Variants in GRM1 observed in about 807,000 individuals in gnomAD.
GRM1 encodes glutamate metabotropic receptor 1.
In GRM1, 33 loss-of-function variants were observed where a neutral mutation model predicts 90.9. The observed-to-expected ratio is 0.36, with a 90% CI of 0.28 to 0.49. The LOEUF is 0.49. GRM1 is among the 20% of genes least tolerant of loss of function. The pLI is 0.99. For synonymous variants in GRM1, 700 were observed against 613.2 expected (o/e 1.14, Z -2.09); for missense variants, 1,190 against 1,534.3 (o/e 0.78, Z 3.75).
At chr6:146,133,949 G>A (rs1252075762) in intron 1 of GRM1, among the ~76,000 whole-genome samples, 1 of 152,118 alleles carries the variant, frequency 6.6e-6, no homozygotes, top group East Asian at 1.9e-4. Flanking sequence ...CATCATTTTC[G>A]ATAACATCAT....
At chr6:146,316,721 C>T (rs994935645) in intron 3 of GRM1, among the ~76,000 whole-genome samples, 4 of 152,126 alleles carry the variant, frequency 2.6e-5, no homozygotes, top group South Asian at 2.1e-4. Context: ...CGTCCTCTGA[C>T]GGAGCATGCT....
intron 2 of GRM1, among the ~76,000 whole-genome samples, chr6:146,172,330 C>T (rs983772314): frequency 1.3e-5 from 2 of 152,172 alleles, no homozygotes; most frequent in African/African-American, 4.8e-5. Flanking sequence ...TGTTAATAAG[C>T]ATTGTATTTA....
At chr6:146,055,598 T>C (rs1001831993) in intron 1 of GRM1, among the ~76,000 whole-genome samples, 7 of 152,100 alleles carry the variant, frequency 4.6e-5, no homozygotes, top group African/African-American at 1.7e-4. Context: ...CTGAGTGGTA[T>C]GTGTTTGTGT....
At chr6:146,221,782 C>T (rs1780072694) in intron 2 of GRM1, among the ~76,000 whole-genome samples, 1 of 152,090 alleles carries the variant, frequency 6.6e-6, no homozygotes, top group Non-Finnish European at 1.5e-5. Flanking sequence ...TCTGTCACAA[C>T]TACTAAACTC....
At chr6:146,220,007 G>T (rs952128915) in intron 2 of GRM1, among the ~76,000 whole-genome samples, 2 of 151,982 alleles carry the variant, frequency 1.3e-5, no homozygotes, top group Non-Finnish European at 2.9e-5. Context: ...AGGTAGAAAA[G>T]AACAGATGAC....
chr6:146,050,206 A>G (rs751467234), intron 1 of GRM1, among the ~76,000 whole-genome samples: 1 of 152,024 alleles, frequency 6.6e-6, no homozygotes, highest in South Asian at 2.1e-4. Context: ...TGTCAACCAG[A>G]AGGACATAGC....
chr6:146,343,764 G>A (rs1005003553), intron 3 of GRM1, among the ~76,000 whole-genome samples: 10 of 151,654 alleles, frequency 6.6e-5, no homozygotes, highest in Middle Eastern at 3.4e-3. Flanking sequence ...CCTGCCTCCC[G>A]GATTCAAGCG....
chr6:146,214,757 G>T (rs1192424740), intron 2 of GRM1, among the ~76,000 whole-genome samples: 1 of 152,150 alleles, frequency 6.6e-6, no homozygotes, highest in Non-Finnish European at 1.5e-5. Context: ...CACAGAGAGG[G>T]TAGAATTAGA....
chr6:146,198,822 A>T (rs991287405), intron 2 of GRM1, among the ~76,000 whole-genome samples: 2 of 152,242 alleles, frequency 1.3e-5, no homozygotes, highest in Non-Finnish European at 2.9e-5. Context: ...CCTTCCTCCC[A>T]GGAACCCAGC....
intron 3 of GRM1, among the ~76,000 whole-genome samples, chr6:146,326,368 T>G (rs1029454841): frequency 2.4e-4 from 36 of 152,168 alleles, no homozygotes; most frequent in African/African-American, 8.4e-4. Flanking sequence ...ATGTTCTCAC[T>G]CATAAGTGGG....
At chr6:146,387,145 AT>A in intron 6 of GRM1, 129 bp downstream of exon 6, 1 of 897,642 alleles carries the variant, frequency 1.1e-6, no homozygotes, top group Non-Finnish European at 1.9e-6. Context: ...TTTAGTCCTC[AT>A]GTCAAGGAGT....
At chr6:146,055,909 A>G (rs1364112018) in intron 1 of GRM1, among the ~76,000 whole-genome samples, 1 of 152,190 alleles carries the variant, frequency 6.6e-6, no homozygotes, top group Non-Finnish European at 1.5e-5. Flanking sequence ...TAAAAAGTCA[A>G]AACAATTGAA....
intron 5 of GRM1, among the ~76,000 whole-genome samples, chr6:146,358,597 G>A (rs564091856): frequency 2.6e-5 from 4 of 152,278 alleles, no homozygotes; most frequent in South Asian, 2.1e-4. Flanking sequence ...CTGACATGCC[G>A]CTGTACCATT....
chr6:146,401,854 A>G (rs994751479), intron 7 of GRM1, among the ~76,000 whole-genome samples: 2 of 152,180 alleles, frequency 1.3e-5, no homozygotes, highest in African/African-American at 4.8e-5. Context: ...GAGAACAGTG[A>G]CTAATGAAGA....
At chr6:146,224,302 T>C (rs1471085774) in intron 2 of GRM1, among the ~76,000 whole-genome samples, 1 of 152,144 alleles carries the variant, frequency 6.6e-6, no homozygotes, top group African/African-American at 2.4e-5. Context: ...TTACTATTTT[T>C]TTAAATGCAG....
chr6:146,227,745 G>C (rs1780294846), intron 2 of GRM1, among the ~76,000 whole-genome samples: 1 of 152,104 alleles, frequency 6.6e-6, no homozygotes, highest in African/African-American at 2.4e-5. Context: ...TTTACAGAAT[G>C]GGGAAATCTT....
chr6:146,172,026 T>C (rs1315797233), intron 2 of GRM1, among the ~76,000 whole-genome samples: 1 of 151,720 alleles, frequency 6.6e-6, no homozygotes, highest in Non-Finnish European at 1.5e-5. Context: ...ACCTTGAGCT[T>C]GATGGTGGCA....
chr6:146,083,283 G>GT (rs543647328), intron 1 of GRM1, among the ~76,000 whole-genome samples: 15 of 152,262 alleles, frequency 9.9e-5, no homozygotes, highest in African/African-American at 3.4e-4. Context: ...AATAGGAGTG[G>GT]TGAGAGAGAG....
intron 2 of GRM1, among the ~76,000 whole-genome samples, chr6:146,263,902 C>T (rs1387144182): frequency 2.0e-5 from 3 of 152,172 alleles, no homozygotes; most frequent in East Asian, 1.9e-4. Context: ...TGAGAGAATG[C>T]GTGCTAGTCT....
Sources: allele counts gnomAD v4.1 joint callset (sites outside exome capture counted in the v4.1 genomes callset), GRCh38; gene constraint gnomAD v4.1.1; transcripts MANE v1.5; gene names NCBI Gene and HGNC (gene_info 2026-07-23, HGNC 2026-07-21).